Variants in CCDC178 observed in about 807,000 individuals in gnomAD.
CCDC178 encodes the protein coiled-coil domain-containing protein 178.
CCDC178 carries 126 observed loss-of-function variants against 117.4 expected under a neutral mutation model. The observed-to-expected ratio is 1.07, with a 90% confidence interval of 0.93 to 1.24. The LOEUF (loss-of-function observed/expected upper bound fraction) is 1.24, where lower values mean the gene tolerates loss of function less well. CCDC178 is among the 50% of genes most tolerant of loss of function. CCDC178 has a pLI of 0.00. For synonymous variants in CCDC178, 283 were observed against 313.4 expected (o/e 0.90, Z 1.02); for missense variants, 1,030 against 986.9 (o/e 1.04, Z -0.59).
At chr18:33,061,256 G>A (rs926632725) in intron 21 of CCDC178, among the ~76,000 whole-genome samples, 1 of 151,738 alleles carries the variant, frequency 6.6e-6, no homozygotes, top group African/African-American at 2.4e-5. Flanking sequence ...GCTAAAATAG[G>A]ACATTAATAT....
At chr18:33,268,576 C>A (rs1377051549) in intron 12 of CCDC178, among the ~76,000 whole-genome samples, 1 of 151,726 alleles carries the variant, frequency 6.6e-6, no homozygotes, top group Non-Finnish European at 1.5e-5. Flanking sequence ...GAGAGTGTCA[C>A]CTTGCCGAGT....
chr18:32,966,957 A>T (rs1180535617), intron 22 of CCDC178, among the ~76,000 whole-genome samples: 1 of 151,602 alleles, frequency 6.6e-6, no homozygotes, highest in African/African-American at 2.4e-5. Flanking sequence ...ATTAATTCTA[A>T]AGTTTTTTTT....
At chr18:33,034,048 G>A (rs183834184) in intron 21 of CCDC178, among the ~76,000 whole-genome samples, 10 of 151,952 alleles carry the variant, frequency 6.6e-5, no homozygotes, top group South Asian at 4.1e-4. Context: ...CTACAAACCC[G>A]TTTTTCCTCT....
At chr18:33,438,771 T>C (rs1283453431) in intron 2 of CCDC178, among the ~76,000 whole-genome samples, 2 of 152,186 alleles carry the variant, frequency 1.3e-5, no homozygotes, top group Non-Finnish European at 2.9e-5. Context: ...TTGCTTAATC[T>C]TTCTGCTTTT....
intron 3 of CCDC178, among the ~76,000 whole-genome samples, chr18:33,411,766 G>A (rs1336793089): frequency 6.6e-6 from 1 of 152,008 alleles, no homozygotes; most frequent in African/African-American, 2.4e-5. Context: ...GCACACCATT[G>A]TTGTACTGCT....
chr18:33,368,473 A>C (rs1467890893), intron 6 of CCDC178, among the ~76,000 whole-genome samples: 1 of 151,850 alleles, frequency 6.6e-6, no homozygotes. Context: ...TTTACATGAG[A>C]ATAGCTCTTT....
intron 14 of CCDC178, among the ~76,000 whole-genome samples, chr18:33,255,216 G>A (rs1403734075): frequency 1.3e-5 from 2 of 152,010 alleles, no homozygotes; most frequent in Non-Finnish European, 2.9e-5. Context: ...TTCCAAGCCT[G>A]CAGAACCATG....
intron 22 of CCDC178, among the ~76,000 whole-genome samples, chr18:32,973,405 C>A (rs1474847597): frequency 1.3e-5 from 2 of 152,052 alleles, no homozygotes; most frequent in Non-Finnish European, 2.9e-5. Context: ...AAACAAGATG[C>A]TCCTGACTTC....
At chr18:33,362,982 T>G (rs2063151257) in intron 6 of CCDC178, among the ~76,000 whole-genome samples, 1 of 151,986 alleles carries the variant, frequency 6.6e-6, no homozygotes, top group Non-Finnish European at 1.5e-5. Flanking sequence ...ATTATAAATG[T>G]GTCAATACTG....
chr18:33,231,070 T>C (rs1232110808), intron 15 of CCDC178, among the ~76,000 whole-genome samples: 3 of 152,208 alleles, frequency 2.0e-5, no homozygotes, highest in African/African-American at 7.2e-5. Flanking sequence ...TATCACTCAA[T>C]TGATTACTTA....
At chr18:33,355,386 A>G (rs2063039250) in intron 7 of CCDC178, among the ~76,000 whole-genome samples, 1 of 152,198 alleles carries the variant, frequency 6.6e-6, no homozygotes, top group Admixed American at 6.5e-5. Flanking sequence ...ATGGCTGGCA[A>G]CAAAAGAAAG....
At chr18:33,177,654 A>T (rs2058678829) in intron 20 of CCDC178, among the ~76,000 whole-genome samples, 1 of 152,124 alleles carries the variant, frequency 6.6e-6, no homozygotes, top group African/African-American at 2.4e-5. Flanking sequence ...CCTCTTTCTA[A>T]CACAATCTAT....
At chr18:33,025,114 T>C (rs1297210923) in intron 21 of CCDC178, among the ~76,000 whole-genome samples, 1 of 152,178 alleles carries the variant, frequency 6.6e-6, no homozygotes, top group East Asian at 1.9e-4. Flanking sequence ...TATAAAGAAT[T>C]ACAGAACATA....
chr18:33,266,883 G>A (rs1186528405), intron 14 of CCDC178, 33 bp downstream of exon 14: 2 of 1,471,434 alleles, frequency 1.4e-6, no homozygotes, highest in South Asian at 1.3e-5. Flanking sequence ...ATTGGATTAT[G>A]GTATATAAGA....
intron 21 of CCDC178, among the ~76,000 whole-genome samples, chr18:33,060,016 T>C (rs529341946): frequency 1.3e-5 from 2 of 152,020 alleles, no homozygotes; most frequent in Non-Finnish European, 2.9e-5. Context: ...AGCTCTCTCA[T>C]ATTTTGGGTT....
chr18:33,091,571 A>G (rs1378732652), intron 21 of CCDC178, among the ~76,000 whole-genome samples: 1 of 151,948 alleles, frequency 6.6e-6, no homozygotes, highest in Non-Finnish European at 1.5e-5. Flanking sequence ...TCCTGACTTC[A>G]GGTGATCTTC....
In CCDC178 at chr18:33,145,377, G is replaced by A. The variant is rs545100479; in HGVS notation, c.2239-52467C>T. ...CCAGGCTCAGGACAGGAACATTCACGTTTATACAATATCTCCACTAATTTC... is the reference window on the plus strand; with the variant it reads ...CCAGGCTCAGGACAGGAACATTCACATTTATACAATATCTCCACTAATTTC... On this transcript the variant is annotated intron_variant, in intron 20 of 22. Coordinates refer to ENST00000383096, the MANE Select transcript of CCDC178 (RefSeq NM_001105528.4). Among the ~76,000 whole-genome samples the A allele has an allele frequency of 1.2e-4, 18 of 152,112 alleles. No homozygotes were observed. The East Asian group carries it at 1.9e-3, about 16-fold the overall frequency.
At chr18:33,064,074 G>A (rs1228656855) in intron 21 of CCDC178, among the ~76,000 whole-genome samples, 1 of 152,146 alleles carries the variant, frequency 6.6e-6, no homozygotes, top group African/African-American at 2.4e-5. Context: ...AGAAATGTGA[G>A]TTACACTAAA....
chr18:33,329,496 T>C (rs766310228), intron 10 of CCDC178, among the ~76,000 whole-genome samples: 12 of 152,190 alleles, frequency 7.9e-5, no homozygotes, highest in Non-Finnish European at 1.8e-4. Context: ...GTTTTTATCA[T>C]GTAAGAATTT....
Sources: gnomAD v4.1 joint callset for allele counts (sites outside exome capture counted in the v4.1 genomes callset) on GRCh38, gnomAD v4.1.1 for gene constraint, MANE v1.5 for transcripts, NCBI Gene and HGNC (gene_info 2026-07-23, HGNC 2026-07-21) for gene names.